Variants in PRKCH observed in about 807,000 individuals in gnomAD.
PRKCH encodes the protein protein kinase C eta, also known as protein kinase C eta type.
In PRKCH, 28 loss-of-function variants were observed where a neutral mutation model predicts 82.5. That is an observed-to-expected ratio of 0.34 (90% CI 0.25 to 0.47). The LOEUF (loss-of-function observed/expected upper bound fraction) is 0.47. PRKCH is among the 20% of genes least tolerant of loss of function. PRKCH has a pLI of 1.00. For synonymous variants in PRKCH, 322 were observed against 327.4 expected, an observed-to-expected ratio of 0.98 and a Z score of 0.18; for missense variants, 705 against 881.8, an observed-to-expected ratio of 0.80 and a Z score of 2.54.
chr14:61,254,709 A>T (rs2044982035), intron 1 of PRKCH, among the ~76,000 whole-genome samples: 1 of 152,248 alleles, frequency 6.6e-6, no homozygotes, highest in South Asian at 2.1e-4. Flanking sequence ...AGTTGTTGGT[A>T]GGCAAGCCTT....
chr14:61,250,109 A>T (rs2044930473), intron 1 of PRKCH, among the ~76,000 whole-genome samples: 1 of 150,702 alleles, frequency 6.6e-6, no homozygotes, highest in Admixed American at 6.6e-5. Flanking sequence ...AAAATAGAAA[A>T]ATTAGGCAGG....
chr14:61,541,840 C>A (rs1269005004), intron 12 of PRKCH, among the ~76,000 whole-genome samples: 1 of 152,246 alleles, frequency 6.6e-6, no homozygotes, highest in Non-Finnish European at 1.5e-5. Context: ...GAACATCCAA[C>A]AACTCAAAAC....
chr14:61,354,733 T>G (rs1037890769), intron 1 of PRKCH, among the ~76,000 whole-genome samples: 9 of 152,204 alleles, frequency 5.9e-5, no homozygotes, highest in African/African-American at 2.2e-4. Context: ...CTTTATGTAT[T>G]CCCCAGAGTA....
In PRKCH at chr14:61,329,229, T is replaced by G. The variant is rs533734772; in HGVS notation, c.363+6765T>G. 1.6e-4 allele frequency among the ~76,000 whole-genome samples: 19 copies of G among 117,704 alleles called. 1 individual carries two copies. The South Asian group carries it at 6.0e-3, about 37-fold the overall frequency. The allele number at this position is 117,704 out of a possible 152,430, so 77.2% of individuals were successfully genotyped here. A position where few individuals can be genotyped will look rare whatever the true frequency, so the allele number is the denominator to read the frequency against. On this transcript the variant is annotated intron_variant, in intron 1 of 13. Transcript: ENST00000332981. Reference sequence around the variant, plus strand: ...TCTCCACTGCTCTTAGATAAACTCCTGAGTCTTTTTTTTTTTTTTTTTTTT... The same window carrying G: ...TCTCCACTGCTCTTAGATAAACTCCGGAGTCTTTTTTTTTTTTTTTTTTTT...
chr14:61,303,012 A>ATTT (rs139375822), intron 1 of PRKCH: 1,310 of 129,004 alleles, frequency 0.01, 74 homozygotes, highest in East Asian at 0.094. Flanking sequence ...TGTTCCTTCA[A>ATTT]TTTTTTTTTT....
At chr14:61,388,638 T>C (rs184271456) in intron 1 of PRKCH, among the ~76,000 whole-genome samples, 226 of 152,246 alleles carry the variant, frequency 1.5e-3, no homozygotes, top group Non-Finnish European at 2.8e-3. Context: ...TGAGGGAGTG[T>C]GGCTTTTAAA....
At chr14:61,278,074 T>C (rs901709146) in intron 1 of PRKCH, 6 of 152,222 alleles carry the variant, frequency 3.9e-5, no homozygotes, top group Non-Finnish European at 8.8e-5. Context: ...CAGAATACTT[T>C]AACTTTCATA....
chr14:61,271,808 C>CA (rs2045155830), intron 1 of PRKCH, among the ~76,000 whole-genome samples: 1 of 152,228 alleles, frequency 6.6e-6, no homozygotes, highest in African/African-American at 2.4e-5. Context: ...CTTCTGAAGT[C>CA]ACACTGCCCT....
chr14:61,238,343 G>A (rs1378701964), intron 1 of PRKCH, among the ~76,000 whole-genome samples: 1 of 152,166 alleles, frequency 6.6e-6, no homozygotes, highest in Non-Finnish European at 1.5e-5. Flanking sequence ...AGGGACCCCA[G>A]CCCTTTTGTC....
intron 1 of PRKCH, among the ~76,000 whole-genome samples, chr14:61,286,867 A>G (rs1014477698): frequency 1.3e-4 from 20 of 152,110 alleles, no homozygotes; most frequent in African/African-American, 4.3e-4. Flanking sequence ...GATGGATAAC[A>G]GAAGGTCTTA....
rs755485163 is a variant in PRKCH at position 61,529,111 on chromosome 14, G to A, written c.1470G>A (p.Glu490=). 6.2e-7 allele frequency: 1 copy of A among 1,613,766 alleles called. No homozygotes were observed. Among genetic ancestry groups the A allele is most frequent in the African/African-American group, 1.3e-5 (1 of 74,852 alleles). Residue 490 remains glutamate (E), a synonymous_variant, in exon 11 of 14, where the codon GAG becomes GAA. Transcript: ENST00000332981. ...TGGACAATGTCCTGTTGGACCACGAGGGTCACTGTAAACTGGCAGACTTCG... is the reference window on the plus strand; with the variant it reads ...TGGACAATGTCCTGTTGGACCACGAAGGTCACTGTAAACTGGCAGACTTCG... ...LKLDNVLLDH[E]GHCKLADFGM...
chr14:61,409,791 T>A (rs1882174012), intron 2 of PRKCH, among the ~76,000 whole-genome samples: 1 of 151,992 alleles, frequency 6.6e-6, no homozygotes, highest in Admixed American at 6.6e-5. Flanking sequence ...AAGTAGATTG[T>A]ATATGCTACT....
chr14:61,359,224 A>G (rs1049747875), intron 1 of PRKCH, among the ~76,000 whole-genome samples: 7 of 152,154 alleles, frequency 4.6e-5, no homozygotes, highest in East Asian at 1.9e-4. Flanking sequence ...GTGGACCACA[A>G]TGCTCTGGGG....
intron 2 of PRKCH, among the ~76,000 whole-genome samples, chr14:61,405,023 C>T (rs752613240): frequency 1.3e-5 from 2 of 152,194 alleles, no homozygotes; most frequent in African/African-American, 2.4e-5. Context: ...TCACTGAGCA[C>T]GTCTTTTCCC....
intron 2 of PRKCH, among the ~76,000 whole-genome samples, chr14:61,412,218 C>G (rs1000054314): frequency 5.3e-5 from 8 of 152,264 alleles, no homozygotes; most frequent in Non-Finnish European, 1.2e-4. Context: ...CCAATCAAAA[C>G]TGACCCAGAA....
intron 2 of PRKCH, among the ~76,000 whole-genome samples, chr14:61,396,431 A>G (rs1334924008): frequency 1.3e-5 from 2 of 152,252 alleles, no homozygotes; most frequent in Non-Finnish European, 1.5e-5. Flanking sequence ...TGCTGGGTGC[A>G]GACCTGTAAT....
At chr14:61,528,973 CGTGTGTGTGTGTGTGT>C (rs57920054) in intron 10 of PRKCH, 86 bp from the exon 11 acceptor site, 24 of 567,220 alleles carry the variant, frequency 4.2e-5, no homozygotes, top group East Asian at 1.6e-4. Context: ...TGTGGCCGCA[CGTGTGTGTGTGTGTGT>C]GTGTGTGTGT....
At chr14:61,362,674 G>A (rs1257403516) in intron 1 of PRKCH, among the ~76,000 whole-genome samples, 1 of 152,168 alleles carries the variant, frequency 6.6e-6, no homozygotes, top group East Asian at 1.9e-4. Context: ...AGGAAATGAA[G>A]GTTCCCTTTT....
chr14:61,454,619 AT>A (rs1157471965), intron 7 of PRKCH, among the ~76,000 whole-genome samples: 1 of 152,228 alleles, frequency 6.6e-6, no homozygotes, highest in African/African-American at 2.4e-5. Flanking sequence ...TGGTTTATGG[AT>A]TGTGAATTTA....
Sources: allele counts gnomAD v4.1 joint callset (sites outside exome capture counted in the v4.1 genomes callset), GRCh38; gene constraint gnomAD v4.1.1; transcripts MANE v1.5; gene names NCBI Gene and HGNC (gene_info 2026-07-23, HGNC 2026-07-21).